The following GULP1 variants were observed in gnomAD, a reference collection of about 807,000 sequenced individuals.
The protein encoded by GULP1 is PTB domain-containing engulfment adapter protein 1.
In GULP1, 19 loss-of-function variants were observed where a neutral mutation model predicts 40.9. The observed-to-expected ratio is 0.46, with a 90% confidence interval of 0.32 to 0.68. The LOEUF (loss-of-function observed/expected upper bound fraction) is 0.68, where lower values mean the gene tolerates loss of function less well. GULP1 is among the 30% of genes least tolerant of loss of function. The probability of loss-of-function intolerance (pLI) is 0.03; values close to 1 mark genes in which losing one functional copy is unlikely to be tolerated. For missense variants in GULP1, 312 were observed against 362.2 expected (o/e 0.86, Z 1.12); for synonymous variants, 119 against 117.6 (o/e 1.01, Z -0.08).
chr2:188,472,003 T>C (rs2060629821), intron 2 of GULP1, among the ~76,000 whole-genome samples: 1 of 152,240 alleles, frequency 6.6e-6, no homozygotes, highest in Non-Finnish European at 1.5e-5. Flanking sequence ...AGTCTTTATG[T>C]CTCCTTTATG....
intron 2 of GULP1, among the ~76,000 whole-genome samples, chr2:188,387,333 C>T (rs2049916157): frequency 6.6e-6 from 1 of 152,018 alleles, no homozygotes; most frequent in African/African-American, 2.4e-5. Flanking sequence ...ATACATTTAT[C>T]TAATTAATAT....
chr2:188,330,557 G>A (rs1208788145), intron 1 of GULP1, among the ~76,000 whole-genome samples: 2 of 152,026 alleles, frequency 1.3e-5, no homozygotes, highest in South Asian at 2.1e-4. Context: ...TTACACTGTG[G>A]CATCTTTATA....
intron 7 of GULP1, among the ~76,000 whole-genome samples, chr2:188,550,690 CAAGGTCTGTCTGTGAG>C (rs1693230759): frequency 4.6e-5 from 7 of 151,692 alleles, no homozygotes; most frequent in Admixed American, 3.9e-4. Flanking sequence ...AGTCGTTTTA[CAAGGTCTGTCTGTGAG>C]AAGGTGTTTA....
chr2:188,395,911 C>G (rs916462552), intron 2 of GULP1, among the ~76,000 whole-genome samples: 8 of 152,070 alleles, frequency 5.3e-5, no homozygotes, highest in African/African-American at 1.9e-4. Context: ...TTATAAATAG[C>G]CTTAGTGTGT....
chr2:188,301,582 A>T (rs1487639224), intron 1 of GULP1, among the ~76,000 whole-genome samples: 5 of 152,160 alleles, frequency 3.3e-5, no homozygotes, highest in African/African-American at 1.2e-4. Flanking sequence ...CCTACTCCTA[A>T]TTCAAGGGAA....
chr2:188,482,111 A>G (rs1356372546), intron 3 of GULP1, among the ~76,000 whole-genome samples: 1 of 151,920 alleles, frequency 6.6e-6, no homozygotes, highest in Non-Finnish European at 1.5e-5. Context: ...GTAGTCAGAA[A>G]TAGACCCAAT....
chr2:188,544,568 C>G lies in GULP1; in HGVS notation c.399+3250C>G, dbSNP rs553763135. On this transcript the variant is annotated intron_variant, in intron 7 of 11. Transcript: ENST00000409830. ...TAATAATAATAATACTAAAAGAATA[C>G]TGAAAAATAAAGTAATGACATGAAA... Among the ~76,000 whole-genome samples the G allele has an allele frequency of 2.0e-5, 3 of 151,450 alleles. No homozygotes were observed. The East Asian group carries it at 5.8e-4, about 29-fold the overall frequency.
chr2:188,508,988 C>T (rs1437623788), intron 4 of GULP1, among the ~76,000 whole-genome samples: 1 of 151,954 alleles, frequency 6.6e-6, no homozygotes, highest in African/African-American at 2.4e-5. Context: ...ATAGACCTAG[C>T]AAGCAGCAGA....
At chr2:188,449,961 C>G (rs2058700394) in intron 2 of GULP1, among the ~76,000 whole-genome samples, 1 of 152,106 alleles carries the variant, frequency 6.6e-6, no homozygotes, top group South Asian at 2.1e-4. Context: ...CTCTTTTCTT[C>G]TCTTTCAGTA....
At chr2:188,468,054 A>G (rs1361952662) in intron 2 of GULP1, among the ~76,000 whole-genome samples, 1 of 152,204 alleles carries the variant, frequency 6.6e-6, no homozygotes, top group African/African-American at 2.4e-5. Context: ...GCTTGACTTC[A>G]ATGAAACTTT....
chr2:188,329,144 C>CTT (rs75423691), intron 1 of GULP1, among the ~76,000 whole-genome samples: 1,819 of 147,070 alleles, frequency 0.012, 18 homozygotes, highest in Non-Finnish European at 0.02. Flanking sequence ...CTATTGGACT[C>CTT]TTTTTTTTTT....
Position 188,587,874 on chromosome 2 carries a change from A to T in GULP1, c.768A>T (p.Ala256=). 6.2e-7 allele frequency: 1 copy of T among 1,607,628 alleles called. No individual in the cohort carries two copies. The highest frequency in any genetic ancestry group is 8.5e-7 in the Non-Finnish European group (1 of 1,174,340). The change falls in exon 11 of 12, where the codon GCA becomes GCT. Residue 256 remains alanine (A), a synonymous_variant. Coordinates refer to ENST00000409830, the MANE Select transcript of GULP1 (RefSeq NM_016315.4). ...TTGCAGAACGGGACCTGTTTGGAGC[A>T]GAACCTTTTGACCCATTTAACTGTG... ...STEIKRDLFG[A]EPFDPFNCGA...
At chr2:188,585,652 G>T (rs1212162603) in intron 10 of GULP1, among the ~76,000 whole-genome samples, 2 of 152,148 alleles carry the variant, frequency 1.3e-5, no homozygotes, top group Admixed American at 6.5e-5. Flanking sequence ...AGCTGGAGTG[G>T]CTGGGATGCA....
intron 6 of GULP1, among the ~76,000 whole-genome samples, chr2:188,532,244 A>G (rs1687738465): frequency 6.6e-6 from 1 of 152,192 alleles, no homozygotes; most frequent in Admixed American, 6.5e-5. Context: ...GGAATGTTTC[A>G]AATTTTTTGT....
At chr2:188,537,014 A>G (rs1689116267) in intron 6 of GULP1, among the ~76,000 whole-genome samples, 1 of 151,696 alleles carries the variant, frequency 6.6e-6, no homozygotes, top group Admixed American at 6.6e-5. Flanking sequence ...AATGCTACTG[A>G]TTTCTGTACA....
rs1392258730 is a variant in GULP1, at chr2:188,386,800, T to C, written c.-45+2911T>C. ...ACTGATTAGTGTTTTCTCATTCAAA[T>C]AATTTTCCTAATGAAACCCAGTTTA... On this transcript the variant is annotated intron_variant, in intron 2 of 11. Transcript: ENST00000409830. Among the ~76,000 whole-genome samples the C allele has an allele frequency of 2.0e-5, 3 of 152,314 alleles. No homozygotes were observed. The South Asian group carries it at 6.2e-4, about 32-fold the overall frequency.
chr2:188,457,054 G>C (rs1575383563), intron 2 of GULP1, among the ~76,000 whole-genome samples: 1 of 152,148 alleles, frequency 6.6e-6, no homozygotes, highest in East Asian at 1.9e-4. Flanking sequence ...CCCAATACCT[G>C]TACCTTCATT....
chr2:188,427,839 G>A (rs2056404081), intron 2 of GULP1, among the ~76,000 whole-genome samples: 1 of 152,238 alleles, frequency 6.6e-6, no homozygotes, highest in Non-Finnish European at 1.5e-5. Flanking sequence ...GCCTAGTGGA[G>A]CTGTCAGAAG....
At chr2:188,439,132 T>A (rs1575254995) in intron 2 of GULP1, among the ~76,000 whole-genome samples, 1 of 152,112 alleles carries the variant, frequency 6.6e-6, no homozygotes, top group Middle Eastern at 3.2e-3. Flanking sequence ...AATAAATGTT[T>A]AGAAGTCTTG....
Sources: allele counts gnomAD v4.1 joint callset (sites outside exome capture counted in the v4.1 genomes callset), GRCh38; gene constraint gnomAD v4.1.1; transcripts MANE v1.5; gene names NCBI Gene and HGNC (gene_info 2026-07-23, HGNC 2026-07-21).